Variants in GALNT9 observed in about 807,000 individuals in gnomAD.
GALNT9 encodes GalNAc transferase 9.
In GALNT9, 47 loss-of-function variants were observed where a neutral mutation model predicts 63.1. The observed-to-expected ratio is 0.75, with a 90% CI of 0.59 to 0.95. GALNT9 has a LOEUF of 0.95. Among genes scored for constraint, GALNT9 ranks in the 40% least tolerant of loss-of-function variants. The pLI is 0.00. For synonymous variants in GALNT9, 396 were observed against 365.7 expected (o/e 1.08, Z -0.94); for missense variants, 829 against 874.8 (o/e 0.95, Z 0.66).
At chr12:132,228,408 GC>G in intron 6 of GALNT9, among the ~76,000 whole-genome samples, 1 of 136,316 alleles carries the variant, frequency 7.3e-6, no homozygotes, top group East Asian at 2.1e-4. Flanking sequence ...AGGCAGGGCG[GC>G]CCGTCAGCAC....
intron 7 of GALNT9, among the ~76,000 whole-genome samples, chr12:132,203,240 T>C (rs1055028532): frequency 1.7e-4 from 26 of 152,052 alleles, no homozygotes; most frequent in African/African-American, 6.3e-4. Context: ...CACGGGGCAA[T>C]TGCTCTAGGC....
chr12:132,213,161 G>A (rs1238853779), intron 6 of GALNT9, among the ~76,000 whole-genome samples: 3 of 38,622 alleles, frequency 7.8e-5, no homozygotes, highest in African/African-American at 1.9e-4. Flanking sequence ...CTCAGACCTC[G>A]ACACGGAAAC....
intron 6 of GALNT9, among the ~76,000 whole-genome samples, chr12:132,230,274 C>T (rs967621498): frequency 5.9e-5 from 9 of 152,252 alleles, no homozygotes; most frequent in African/African-American, 2.2e-4. Context: ...TGATGGGGGC[C>T]GCCACACAGG....
In GALNT9 at chr12:132,321,753, G is replaced by A. The variant is rs185107439; in HGVS notation, c.238+7213C>T. On this transcript the variant is annotated intron_variant, in intron 1 of 10. Transcript: ENST00000328957. ...TGTCCCAGGTCACTGCAGTGGCACC[G>A]AGTGGGGAGGCTCCACCCCACACAC... Among the ~76,000 whole-genome samples the A allele has an allele frequency of 5.8e-3, 881 of 152,172 alleles. 2 individuals are homozygous for A. The highest frequency in any genetic ancestry group is 9.3e-3 in the Non-Finnish European group (634 of 67,986).
At chr12:132,269,174 G>T (rs1036741552) in intron 2 of GALNT9, among the ~76,000 whole-genome samples, 1 of 152,200 alleles carries the variant, frequency 6.6e-6, no homozygotes, top group African/African-American at 2.4e-5. Context: ...GACCCAGGGC[G>T]GCCTCAGCGC....
intron 5 of GALNT9, among the ~76,000 whole-genome samples, chr12:132,250,683 C>T (rs1024943563): frequency 9.9e-5 from 15 of 152,270 alleles, no homozygotes; most frequent in African/African-American, 2.9e-4. Flanking sequence ...CCCAGCTACT[C>T]GGGAGGCTGA....
chr12:132,202,072 T>A (rs569778806), intron 7 of GALNT9, among the ~76,000 whole-genome samples: 3 of 152,308 alleles, frequency 2.0e-5, no homozygotes, highest in African/African-American at 7.2e-5. Context: ...CCTGGGACAG[T>A]CCCCTATCTT....
At position 132,197,848 on chromosome 12, in the gene GALNT9, G is replaced by T; in HGVS notation, c.1609C>A (p.Leu537Met). The T allele has an allele frequency of 6.2e-7, 1 of 1,606,836 alleles. No homozygotes were observed. Among genetic ancestry groups the T allele is most frequent in the South Asian group, 1.1e-5 (1 of 89,624 alleles). Residue 537 changes from leucine (L) to methionine (M), a missense_variant, in exon 10 of 11, where the codon CTG (leucine) becomes ATG (methionine). By Grantham distance (15) the Leu-to-Met change is conservative. Coordinates refer to ENST00000328957, the MANE Select transcript of GALNT9 (RefSeq NM_001122636.2). ...VDDGTGRMPT[L>M]KKCEDVARPT... ...CGCGCCACATCCTCACACTTCTTCA[G>T]GGTGGGCATGCGGCCCGTGCCGTCA...
intron 7 of GALNT9, among the ~76,000 whole-genome samples, chr12:132,202,167 C>T (rs1346327713): frequency 6.6e-6 from 1 of 152,232 alleles, no homozygotes; most frequent in Non-Finnish European, 1.5e-5. Context: ...TTTAATCAGC[C>T]AAGGGGCTCA....
At chr12:132,312,002 G>GTC (rs1278349277) in intron 1 of GALNT9, among the ~76,000 whole-genome samples, 1 of 152,162 alleles carries the variant, frequency 6.6e-6, no homozygotes, top group Non-Finnish European at 1.5e-5. Flanking sequence ...TGTAGATAAT[G>GTC]TCTCTCTCTC....
At chr12:132,214,498 G>A (rs747700297) in intron 6 of GALNT9, among the ~76,000 whole-genome samples, 20 of 152,236 alleles carry the variant, frequency 1.3e-4, no homozygotes, top group Non-Finnish European at 2.6e-4. Flanking sequence ...ACCAGCCAAC[G>A]CGAATCCACA....
intron 2 of GALNT9, chr12:132,274,472 C>A (rs1879996368): frequency 6.6e-6 from 1 of 152,404 alleles, no homozygotes; most frequent in Admixed American, 6.5e-5. Flanking sequence ...TTGCTCTTTG[C>A]ACCCCTGCCC....
intron 2 of GALNT9, among the ~76,000 whole-genome samples, chr12:132,268,127 A>G (rs1593094911): frequency 2.7e-5 from 4 of 148,234 alleles, no homozygotes; most frequent in Admixed American, 2.6e-4. Flanking sequence ...ACCCACACAC[A>G]CACTCACGCT....
rs55998223 is a variant in GALNT9, at chr12:132,282,081, T to C, written c.419+4169A>G. ...CAGCAAGCCCAGGCCTGGGGGTCCC[T>C]GATCCCACAGAGGAGGAATCAGCTC... On this transcript the variant is annotated intron_variant, in intron 2 of 10. Transcript: ENST00000328957. The surrounding 1 kb of genome is among the most constrained non-coding windows in gnomAD (Gnocchi z 4.5). Among the ~76,000 whole-genome samples, 144 of 92,090 alleles carry C rather than the reference T, an allele frequency of 1.6e-3. No homozygotes were observed. The highest frequency in any genetic ancestry group is 6.0e-3 in the African/African-American group (104 of 17,296). 60.4% of individuals were successfully genotyped at this position (92,090 alleles called of 152,430 possible). A position where few individuals can be genotyped will look rare whatever the true frequency, so the allele number is the denominator to read the frequency against.
intron 8 of GALNT9, among the ~76,000 whole-genome samples, chr12:132,200,198 C>T (rs1409429584): frequency 1.3e-5 from 2 of 152,212 alleles, no homozygotes; most frequent in Non-Finnish European, 2.9e-5. Flanking sequence ...CGAGGACCAT[C>T]CACCCCAGGG....
chr12:132,203,045 T>C (rs1593464395), intron 7 of GALNT9, among the ~76,000 whole-genome samples: 1 of 151,722 alleles, frequency 6.6e-6, no homozygotes, highest in African/African-American at 2.4e-5. Flanking sequence ...CTGGAAAAGG[T>C]GGCGCTGAGG....
chr12:132,271,148 G>A (rs1243064461), intron 2 of GALNT9, among the ~76,000 whole-genome samples: 1 of 152,182 alleles, frequency 6.6e-6, no homozygotes, highest in Non-Finnish European at 1.5e-5. Flanking sequence ...TACTGCGGCA[G>A]CAGTGGCCAT....
At chr12:132,304,806 TGGGCACACCCTCGCCC>T (rs1487076048) in intron 1 of GALNT9, among the ~76,000 whole-genome samples, 30 of 2,694 alleles carry the variant, frequency 0.011, 4 homozygotes, top group African/African-American at 0.03. Context: ...CACCCTCACC[TGGGCACACCCTCGCCC>T]GGGCACACCC....
intron 1 of GALNT9, among the ~76,000 whole-genome samples, chr12:132,289,885 A>G (rs571277366): frequency 6.6e-6 from 1 of 152,278 alleles, no homozygotes; most frequent in South Asian, 2.1e-4. Context: ...TCCCCGTCCC[A>G]GGACTGTGCA....
Sources: gnomAD v4.1 joint callset for allele counts (sites outside exome capture counted in the v4.1 genomes callset) on GRCh38, gnomAD v4.1.1 for gene constraint, Gnocchi (gnomAD v3.1) non-coding constraint, MANE v1.5 for transcripts, NCBI Gene and HGNC (gene_info 2026-07-23, HGNC 2026-07-21) for gene names.